The following FRY variants were observed in gnomAD, a reference collection of about 807,000 sequenced individuals.
The protein encoded by FRY is FRY microtubule binding protein.
A neutral mutation model predicts 348.4 loss-of-function variants in FRY; 128 were observed. That is an observed-to-expected ratio of 0.37 (90% CI 0.32 to 0.43). The LOEUF (loss-of-function observed/expected upper bound fraction) is 0.43, where lower values mean the gene tolerates loss of function less well. Among genes scored for constraint, FRY ranks in the 20% least tolerant of loss-of-function variants. The pLI, the probability that FRY is intolerant of heterozygous loss-of-function variation, is 1.00. For synonymous variants in FRY, 1,370 were observed against 1,374.7 expected, an observed-to-expected ratio of 1.00 and a Z score of 0.08; for missense variants, 2,736 against 3,695.2, an observed-to-expected ratio of 0.74 and a Z score of 6.73.
intron 3 of FRY, among the ~76,000 whole-genome samples, chr13:32,116,898 C>T (rs1878335163): frequency 6.6e-6 from 1 of 152,086 alleles, no homozygotes; most frequent in Non-Finnish European, 1.5e-5. Flanking sequence ...ATTATTACCA[C>T]TTAGGTTATT....
At chr13:32,143,257 A>G (rs1211153532) in intron 11 of FRY, among the ~76,000 whole-genome samples, 3 of 152,224 alleles carry the variant, frequency 2.0e-5, no homozygotes, top group Non-Finnish European at 2.9e-5. Flanking sequence ...TCATTTGTGC[A>G]AGAATGGAAG....
At chr13:32,101,426 A>T in intron 2 of FRY, among the ~76,000 whole-genome samples, 1 of 152,236 alleles carries the variant, frequency 6.6e-6, no homozygotes, top group East Asian at 1.9e-4. Context: ...TGCTGCAGTT[A>T]ACATGAGCAT....
chr13:32,230,820 A>G (rs927322553), intron 40 of FRY, among the ~76,000 whole-genome samples: 4 of 152,116 alleles, frequency 2.6e-5, no homozygotes, highest in African/African-American at 9.7e-5. Flanking sequence ...GCCAGCGTCT[A>G]TTATTTTTTG....
At chr13:32,041,162 T>C (rs926754000) in intron 1 of FRY, among the ~76,000 whole-genome samples, 3 of 152,190 alleles carry the variant, frequency 2.0e-5, no homozygotes, top group African/African-American at 7.2e-5. Flanking sequence ...TTTTCAACTT[T>C]TAGTTTATGA....
chr13:32,228,073 A>T (rs916749265), intron 39 of FRY, among the ~76,000 whole-genome samples: 1 of 152,172 alleles, frequency 6.6e-6, no homozygotes, highest in South Asian at 2.1e-4. Flanking sequence ...TAAGAAGACT[A>T]ATACCCAGGA....
chr13:32,210,091 C>T (rs1884600984), intron 33 of FRY, among the ~76,000 whole-genome samples: 1 of 152,204 alleles, frequency 6.6e-6, no homozygotes, highest in Non-Finnish European at 1.5e-5. Context: ...AAGAATGTTT[C>T]ATGTTTACAT....
intron 29 of FRY, among the ~76,000 whole-genome samples, chr13:32,200,809 G>A (rs1883977193): frequency 6.6e-6 from 1 of 152,086 alleles, no homozygotes. Context: ...TCCCACACAT[G>A]CTGTCAGTTA....
In FRY at chr13:32,237,280, A is replaced by G; in HGVS notation, c.5811-99A>G. The G allele has an allele frequency of 8.5e-7, 1 of 1,173,024 alleles. No individual in the cohort carries two copies. Among genetic ancestry groups the G allele is most frequent in the Non-Finnish European group, 1.2e-6 (1 of 802,154 alleles). 72.7% of individuals were successfully genotyped at this position (1,173,024 alleles called of 1,614,324 possible). A position where few individuals can be genotyped will look rare whatever the true frequency, so the allele number is the denominator to read the frequency against. On this transcript the variant is annotated intron_variant, in intron 43 of 60. Coordinates refer to ENST00000542859, the MANE Select transcript of FRY (RefSeq NM_023037.3). This position sits in a 1 kb window ranked among gnomAD's most constrained non-coding sequence, Gnocchi z 6.3. ...GAATAGAAAGTGGCATTTCTAAAGA[A>G]TGATTTCCCTCCTGCAGTGTTTCTC...
chr13:32,268,498 AAAAAAAAAT>A (rs1386348545), intron 55 of FRY, among the ~76,000 whole-genome samples: 29 of 19,662 alleles, frequency 1.5e-3, no homozygotes, highest in African/African-American at 2.8e-3. Context: ...AAAAAAAAAA[AAAAAAAAAT>A]ATATATATAT....
At chr13:32,079,346 CAG>C (rs1170798335) in intron 2 of FRY, among the ~76,000 whole-genome samples, 27 of 152,038 alleles carry the variant, frequency 1.8e-4, no homozygotes, top group Admixed American at 1.8e-3. Context: ...AAATTGTGTT[CAG>C]AGTCTCTGTG....
At chr13:32,189,967 G>T (rs943634684) in intron 28 of FRY, among the ~76,000 whole-genome samples, 6 of 151,638 alleles carry the variant, frequency 4.0e-5, no homozygotes, top group African/African-American at 1.5e-4. Context: ...GGTCAAATTG[G>T]GTTTATTGAA....
At position 32,184,968 on chromosome 13, in the gene FRY, T is replaced by C; in HGVS notation, c.3147-8T>C. ...ATCATCTAAAAGTTTCATTTTCCTTTATTCCAGCACAAATGGAGCCCTAGA... is the reference window on the plus strand; with the variant it reads ...ATCATCTAAAAGTTTCATTTTCCTTCATTCCAGCACAAATGGAGCCCTAGA... On this transcript the variant is annotated splice_polypyrimidine_tract_variant and splice_region_variant and intron_variant, in intron 25 of 60. Coordinates refer to ENST00000542859, the MANE Select transcript of FRY (RefSeq NM_023037.3). 6.2e-7 allele frequency: 1 copy of C among 1,612,902 alleles called. No individual in the cohort carries two copies. The highest frequency in any genetic ancestry group is 8.5e-7 in the Non-Finnish European group (1 of 1,179,058).
intron 2 of FRY, among the ~76,000 whole-genome samples, chr13:32,093,257 C>T (rs1388192746): frequency 6.6e-6 from 1 of 152,200 alleles, no homozygotes; most frequent in Non-Finnish European, 1.5e-5. Context: ...TTAACATCAT[C>T]AAATCTCCCA....
chr13:32,088,425 G>A (rs572391280), intron 2 of FRY, among the ~76,000 whole-genome samples: 8 of 152,264 alleles, frequency 5.3e-5, no homozygotes, highest in African/African-American at 1.4e-4. Context: ...AGCCTGGAAC[G>A]TCCCTTAAAT....
At position 32,231,503 on chromosome 13, in the gene FRY, A is replaced by T. The variant is rs192781834; in HGVS notation, c.5527+203A>T. ...GCCGTGTATATTTGCATTATGCTAT[A>T]TCAAATAATTTTCCCAACATACTTG... On this transcript the variant is annotated intron_variant, in intron 41 of 60. Transcript: ENST00000542859. Among the ~76,000 whole-genome samples the T allele has an allele frequency of 4.3e-4, 66 of 152,332 alleles. 1 individual carries two copies. Among genetic ancestry groups the T allele is most frequent in the Non-Finnish European group, 1.5e-5 (1 of 68,028 alleles).
rs1288958153 is a variant in FRY at position 32,269,060 on chromosome 13, T to A, written c.8136+1701T>A. Among the ~76,000 whole-genome samples the A allele has an allele frequency of 7.2e-5, 11 of 152,128 alleles. No individual in the cohort carries two copies. In the East Asian group the frequency reaches 2.1e-3, roughly 29 times the overall value. On this transcript the variant is annotated intron_variant, in intron 55 of 60. Transcript: ENST00000542859. ...CTGTTGAGTTCTGTTGAGTAGCTCA[T>A]GGAAGACGGACAATAATTTAGTTGG...
chr13:32,179,074 T>C (rs1459951521), intron 22 of FRY, 41 bp downstream of exon 22: 2 of 1,526,342 alleles, frequency 1.3e-6, no homozygotes, highest in South Asian at 1.1e-5. Context: ...TGTAAGGTTT[T>C]TTTTTAGCTT....
At chr13:32,258,033 T>C (rs933200722) in intron 51 of FRY, 18 of 1,307,824 alleles carry the variant, frequency 1.4e-5, no homozygotes, top group Admixed American at 3.4e-5. Flanking sequence ...TTTGCAGATT[T>C]ATAACAACAT....
intron 20 of FRY, among the ~76,000 whole-genome samples, chr13:32,176,303 T>G (rs1231067696): frequency 2.0e-5 from 3 of 152,234 alleles, no homozygotes; most frequent in Non-Finnish European, 4.4e-5. Context: ...TAACAGGACC[T>G]GGATTAATTT....
Sources: allele counts gnomAD v4.1 joint callset (sites outside exome capture counted in the v4.1 genomes callset), GRCh38; gene constraint gnomAD v4.1.1; non-coding constraint Gnocchi (gnomAD v3.1); transcripts MANE v1.5; gene names NCBI Gene and HGNC (gene_info 2026-07-23, HGNC 2026-07-21).